Variants in ADGRB3 observed in about 807,000 individuals in gnomAD.
ADGRB3 encodes adhesion G protein-coupled receptor B3, also known as brain-specific angiogenesis inhibitor 3.
In ADGRB3, 37 loss-of-function variants were observed where a neutral mutation model predicts 193.4. The observed-to-expected ratio is 0.19, with a 90% CI of 0.15 to 0.25. ADGRB3 has a LOEUF of 0.25. Among genes scored for constraint, ADGRB3 ranks in the 10% least tolerant of loss-of-function variants. ADGRB3 has a pLI of 1.00. For missense variants in ADGRB3, 1,637 were observed against 1,852.9 expected (o/e 0.88, Z 2.14); for synonymous variants, 690 against 644.2 (o/e 1.07, Z -1.08).
intron 13 of ADGRB3, among the ~76,000 whole-genome samples, chr6:69,029,708 T>A (rs1770567694): frequency 6.6e-6 from 1 of 152,124 alleles, no homozygotes; most frequent in South Asian, 2.1e-4. Flanking sequence ...AGGAGTGTGC[T>A]TGAGTAGTAT....
chr6:69,388,828 G>A lies in ADGRB3; in HGVS notation c.4506G>A (p.Glu1502=). Residue 1502 remains glutamate, a synonymous_variant, in exon 32 of 32, where the codon GAG becomes GAA. Coordinates refer to ENST00000370598, the MANE Select transcript of ADGRB3 (RefSeq NM_001704.3). ...ATGCTTTGGAACTGAGGCCAGCAGAGTGGGAGAAGTGTCTGAATTTGCCTC... is the reference window on the plus strand; with the variant it reads ...ATGCTTTGGAACTGAGGCCAGCAGAATGGGAGAAGTGTCTGAATTTGCCTC... ...AKDALELRPA[E]WEKCLNLPLD... is the part of the protein sequence containing the mutation. 6.2e-7 allele frequency: 1 copy of A among 1,613,516 alleles called. No individual in the cohort carries two copies.
At chr6:68,983,031 T>C (rs1175719548) in intron 10 of ADGRB3, among the ~76,000 whole-genome samples, 1 of 152,142 alleles carries the variant, frequency 6.6e-6, no homozygotes, top group Non-Finnish European at 1.5e-5. Flanking sequence ...TTTTGTAATT[T>C]ATGTGAGTTT....
chr6:69,103,462 G>A (rs1399282040), intron 17 of ADGRB3, among the ~76,000 whole-genome samples: 1 of 152,030 alleles, frequency 6.6e-6, no homozygotes, highest in Non-Finnish European at 1.5e-5. Flanking sequence ...CCAACTTTCT[G>A]TCTCAATAAT....
intron 3 of ADGRB3, among the ~76,000 whole-genome samples, chr6:68,685,942 A>T (rs1764975785): frequency 1.3e-5 from 2 of 152,154 alleles, no homozygotes; most frequent in South Asian, 4.1e-4. Flanking sequence ...AAAGTGTAAG[A>T]CGCTTTTGTA....
intron 11 of ADGRB3, among the ~76,000 whole-genome samples, chr6:69,013,207 G>A (rs1337884584): frequency 6.6e-6 from 1 of 152,056 alleles, no homozygotes; most frequent in Non-Finnish European, 1.5e-5. Flanking sequence ...TGTGAAATGA[G>A]CACTTGCAAA....
At chr6:68,645,375 A>T (rs926953044) in intron 3 of ADGRB3, among the ~76,000 whole-genome samples, 3 of 152,172 alleles carry the variant, frequency 2.0e-5, no homozygotes, top group African/African-American at 4.8e-5. Context: ...ATGACTTGGA[A>T]TATTTCAGTT....
At chr6:68,851,066 C>G (rs1196976742) in intron 3 of ADGRB3, among the ~76,000 whole-genome samples, 1 of 151,854 alleles carries the variant, frequency 6.6e-6, no homozygotes, top group Non-Finnish European at 1.5e-5. Flanking sequence ...GGACACTTGG[C>G]TTTGCTTCCT....
At chr6:68,680,890 G>A (rs1764883053) in intron 3 of ADGRB3, among the ~76,000 whole-genome samples, 1 of 152,136 alleles carries the variant, frequency 6.6e-6, no homozygotes, top group South Asian at 2.1e-4. Context: ...GAAAAAACTG[G>A]ATTGTGTGCC....
intron 8 of ADGRB3, among the ~76,000 whole-genome samples, chr6:68,968,414 C>T (rs1768455438): frequency 6.6e-6 from 1 of 152,098 alleles, no homozygotes; most frequent in Admixed American, 6.6e-5. Context: ...ATTGAATCTT[C>T]GTTTTCTTAT....
At chr6:68,919,793 C>T (rs1349453081) in intron 3 of ADGRB3, among the ~76,000 whole-genome samples, 5 of 152,100 alleles carry the variant, frequency 3.3e-5, no homozygotes, top group Admixed American at 6.6e-5. Context: ...CAGTTTCATT[C>T]AAGGCAGGAG....
At chr6:69,253,786 A>G (rs182125550) in intron 20 of ADGRB3, among the ~76,000 whole-genome samples, 139 of 152,216 alleles carry the variant, frequency 9.1e-4, no homozygotes, top group African/African-American at 3.2e-3. Flanking sequence ...TATATTTTCA[A>G]TATATCAAAC....
chr6:69,162,932 G>A (rs1380674780), intron 17 of ADGRB3, among the ~76,000 whole-genome samples: 7 of 152,138 alleles, frequency 4.6e-5, no homozygotes, highest in Admixed American at 3.9e-4. Flanking sequence ...CACACAGACC[G>A]TGGGAGCTGA....
In ADGRB3 at chr6:68,914,033, T is replaced by G. The variant is rs560071470; in HGVS notation, c.758-16526T>G. On this transcript the variant is annotated intron_variant, in intron 3 of 31. Transcript: ENST00000370598. Reference sequence around the variant, plus strand: ...AAACGAACAAAGCCTCCAAGAAATATGGGACTATGTGAAAAGACCAAATCT... The same window carrying G: ...AAACGAACAAAGCCTCCAAGAAATAGGGGACTATGTGAAAAGACCAAATCT... 9.1e-3 allele frequency among the ~76,000 whole-genome samples: 1,377 copies of G among 151,544 alleles called. 16 individuals are homozygous for G. Among genetic ancestry groups the G allele is most frequent in the African/African-American group, 0.029 (1,204 of 41,248 alleles).
rs1363220106 is a variant in ADGRB3, at chr6:69,172,670, AAAG to A, written c.2481-60618_2481-60616del. On this transcript the variant is annotated intron_variant, in intron 17 of 31. Coordinates refer to ENST00000370598, the MANE Select transcript of ADGRB3 (RefSeq NM_001704.3). Reference sequence around the variant, plus strand: ...AAAAAAAAAAAAAAAAAAAAAAAAAAAAGAGAAATAAAGAAAAAGAAAAGAAAG... The same window carrying A: ...AAAAAAAAAAAAAAAAAAAAAAAAAAAGAAATAAAGAAAAAGAAAAGAAAG... 7.8e-5 allele frequency among the ~76,000 whole-genome samples: 11 copies of A among 140,956 alleles called. 4 individuals are homozygous for A. The highest frequency in any genetic ancestry group is 2.2e-4 in the African/African-American group (8 of 35,726). 92.5% of individuals were successfully genotyped at this position (140,956 alleles called of 152,430 possible).
At chr6:68,900,679 C>T (rs1262157370) in intron 3 of ADGRB3, among the ~76,000 whole-genome samples, 1 of 152,070 alleles carries the variant, frequency 6.6e-6, no homozygotes, top group African/African-American at 2.4e-5. Flanking sequence ...GCAATATGAA[C>T]TCATTGACAG....
At chr6:69,180,467 T>A (rs1775549902) in intron 17 of ADGRB3, among the ~76,000 whole-genome samples, 1 of 152,052 alleles carries the variant, frequency 6.6e-6, no homozygotes, top group Non-Finnish European at 1.5e-5. Flanking sequence ...CAACAATCTG[T>A]GTCTAGGAAG....
chr6:68,874,173 AC>A (rs1765529324), intron 3 of ADGRB3, among the ~76,000 whole-genome samples: 1 of 152,096 alleles, frequency 6.6e-6, no homozygotes, highest in African/African-American at 2.4e-5. Context: ...GGATAATTTT[AC>A]CTATGATAAA....
chr6:69,051,248 G>A (rs1016679085), intron 15 of ADGRB3, among the ~76,000 whole-genome samples: 4 of 152,100 alleles, frequency 2.6e-5, no homozygotes, highest in African/African-American at 7.2e-5. Flanking sequence ...CTGATGCCAC[G>A]TGTAACATAA....
rs1000038568 is a variant in ADGRB3, at chr6:68,783,323, A to C, written c.757+143891A>C. On this transcript the variant is annotated intron_variant, in intron 3 of 31. Transcript: ENST00000370598. ...ATATATATATAACATACATATATAT[A>C]ATATATATATAATATACATATAATT... 2.7e-5 allele frequency among the ~76,000 whole-genome samples: 4 copies of C among 146,890 alleles called. No individual in the cohort carries two copies. In the South Asian group the frequency reaches 8.4e-4, roughly 31 times the overall value.
Sources: allele counts gnomAD v4.1 joint callset (sites outside exome capture counted in the v4.1 genomes callset), GRCh38; gene constraint gnomAD v4.1.1; transcripts MANE v1.5; gene names NCBI Gene and HGNC (gene_info 2026-07-23, HGNC 2026-07-21).